Variants in PRKD1 observed in about 807,000 individuals in gnomAD.
PRKD1 encodes the protein serine/threonine-protein kinase D1.
In PRKD1, 63 loss-of-function variants were observed where a neutral mutation model predicts 95.9. That is an observed-to-expected ratio of 0.66 (90% confidence interval 0.54 to 0.81). The LOEUF (loss-of-function observed/expected upper bound fraction) is 0.81. Among genes scored for constraint, PRKD1 ranks in the 30% least tolerant of loss-of-function variants. The probability of loss-of-function intolerance (pLI) is 0.00; values close to 1 mark genes in which losing one functional copy is unlikely to be tolerated. For missense variants in PRKD1, 1,048 were observed against 1,165.3 expected (o/e 0.90, Z 1.47); for synonymous variants, 425 against 423.1 (o/e 1.00, Z -0.05).
At chr14:29,661,718 C>A (rs1229765596) in intron 4 of PRKD1, among the ~76,000 whole-genome samples, 2 of 152,132 alleles carry the variant, frequency 1.3e-5, no homozygotes, top group African/African-American at 4.8e-5. Context: ...AACATTACTT[C>A]CAAATGCATT....
intron 1 of PRKD1, among the ~76,000 whole-genome samples, chr14:29,848,320 G>A (rs988761739): frequency 2.6e-5 from 4 of 151,960 alleles, no homozygotes; most frequent in African/African-American, 4.8e-5. Flanking sequence ...TTTCCATCAA[G>A]CTGAAGTGAC....
At chr14:29,863,059 T>C (rs546185889) in intron 1 of PRKD1, among the ~76,000 whole-genome samples, 2 of 152,348 alleles carry the variant, frequency 1.3e-5, no homozygotes, top group South Asian at 4.1e-4. Flanking sequence ...TGCCACTCTT[T>C]ATAGAGAATT....
At chr14:29,753,614 C>A (rs886094621) in intron 1 of PRKD1, among the ~76,000 whole-genome samples, 2 of 152,086 alleles carry the variant, frequency 1.3e-5, no homozygotes, top group African/African-American at 4.8e-5. Context: ...TATCCTTTCT[C>A]CTCCCCAGCC....
At chr14:29,891,712 C>G (rs1164276475) in intron 1 of PRKD1, among the ~76,000 whole-genome samples, 1 of 150,928 alleles carries the variant, frequency 6.6e-6, no homozygotes, top group Non-Finnish European at 1.5e-5. Context: ...GCCATATTTG[C>G]GGTGAATTTC....
intron 1 of PRKD1, among the ~76,000 whole-genome samples, chr14:29,843,891 G>A (rs1891972082): frequency 6.6e-6 from 1 of 152,206 alleles, no homozygotes; most frequent in Non-Finnish European, 1.5e-5. Context: ...AGGCTTCAAT[G>A]AAAAGATGAC....
chr14:29,833,327 A>G (rs953737246), intron 1 of PRKD1, among the ~76,000 whole-genome samples: 1 of 152,222 alleles, frequency 6.6e-6, no homozygotes, highest in Admixed American at 6.5e-5. Context: ...TCAATATAAG[A>G]TAATATAATT....
chr14:29,597,976 A>T (rs1893371793), intron 15 of PRKD1, among the ~76,000 whole-genome samples: 1 of 152,180 alleles, frequency 6.6e-6, no homozygotes, highest in South Asian at 2.1e-4. Context: ...TAAAAATATC[A>T]TCTAAACAGT....
chr14:29,821,746 T>C (rs529454725), intron 1 of PRKD1, among the ~76,000 whole-genome samples: 1 of 152,256 alleles, frequency 6.6e-6, no homozygotes, highest in South Asian at 2.1e-4. Context: ...TAATAAACCA[T>C]TGTTAAAATA....
chr14:29,900,765 A>G (rs1894292488), intron 1 of PRKD1, among the ~76,000 whole-genome samples: 1 of 152,206 alleles, frequency 6.6e-6, no homozygotes, highest in African/African-American at 2.4e-5. Context: ...AGAAATGCAA[A>G]TCAAAACCAC....
intron 1 of PRKD1, among the ~76,000 whole-genome samples, chr14:29,904,891 T>A (rs1322516344): frequency 6.6e-6 from 1 of 152,204 alleles, no homozygotes; most frequent in Non-Finnish European, 1.5e-5. Flanking sequence ...TCTAAAATAC[T>A]TAGATTTGAA....
chr14:29,828,677 A>G (rs929806287), intron 1 of PRKD1, among the ~76,000 whole-genome samples: 1 of 152,210 alleles, frequency 6.6e-6, no homozygotes. Context: ...AAATGCATAC[A>G]TACATGTACT....
At chr14:29,765,695 C>A (rs1254522758) in intron 1 of PRKD1, among the ~76,000 whole-genome samples, 1 of 151,964 alleles carries the variant, frequency 6.6e-6, no homozygotes, top group African/African-American at 2.4e-5. Context: ...TTTTATATAG[C>A]AATGAGAATA....
chr14:29,722,793 G>C (rs1417138046), intron 2 of PRKD1, among the ~76,000 whole-genome samples: 1 of 152,188 alleles, frequency 6.6e-6, no homozygotes. Flanking sequence ...AGGTATTGCA[G>C]GCCCTGCCCG....
chr14:29,580,365 CTG>C (rs2138949127), intron 16 of PRKD1, among the ~76,000 whole-genome samples: 1 of 152,192 alleles, frequency 6.6e-6, no homozygotes, highest in Non-Finnish European at 1.5e-5. Flanking sequence ...CCCAAGTGAC[CTG>C]AGTAAGCACA....
chr14:29,911,886 T>A (rs1196421786), intron 1 of PRKD1, among the ~76,000 whole-genome samples: 3 of 152,230 alleles, frequency 2.0e-5, no homozygotes, highest in Non-Finnish European at 4.4e-5. Context: ...GTTCCTTGGC[T>A]CATGAGCTAC....
At chr14:29,742,050 C>T (rs1448638289) in intron 1 of PRKD1, among the ~76,000 whole-genome samples, 2 of 152,062 alleles carry the variant, frequency 1.3e-5, no homozygotes, top group African/African-American at 4.8e-5. Flanking sequence ...GCCAAATCCC[C>T]AAGGAAGTGG....
intron 16 of PRKD1, among the ~76,000 whole-genome samples, chr14:29,588,790 TTGTGTGTGTGTGTG>T (rs34773417): frequency 2.1e-3 from 309 of 145,388 alleles, no homozygotes; most frequent in African/African-American, 5.4e-3. Context: ...ATTCCTAAAG[TTGTGTGTGTGTGTG>T]TGTGTGTGTG....
At chr14:29,743,214 G>A (rs45487002) in intron 1 of PRKD1, among the ~76,000 whole-genome samples, 1,554 of 152,168 alleles carry the variant, frequency 0.01, 27 homozygotes, top group African/African-American at 0.034. Flanking sequence ...TTGTGAATAG[G>A]CCGGTAACTA....
chr14:29,776,019 G>T (rs34727566), intron 1 of PRKD1, among the ~76,000 whole-genome samples: 2 of 151,962 alleles, frequency 1.3e-5, no homozygotes, highest in African/African-American at 4.8e-5. Context: ...TCCGTTGGTG[G>T]TACCCAGGCA....
Sources: allele counts gnomAD v4.1 joint callset (sites outside exome capture counted in the v4.1 genomes callset), GRCh38; gene constraint gnomAD v4.1.1; transcripts MANE v1.5; gene names NCBI Gene and HGNC (gene_info 2026-07-23, HGNC 2026-07-21).